CNTN4: variants seen among roughly 807,000 people sequenced by gnomAD.
CNTN4 encodes contactin 4, also known as contactin-4.
CNTN4 carries 77 observed loss-of-function variants against 122.5 expected under a neutral mutation model. The ratio of observed to expected loss-of-function variants is 0.63; its 90% confidence interval spans 0.52 to 0.76. The LOEUF is 0.76. Ranked by LOEUF, CNTN4 falls within the 30% of genes least tolerant of loss-of-function variation. The pLI is 0.00. For missense variants in CNTN4, 1,256 were observed against 1,259.1 expected (o/e 1.00, Z 0.04); for synonymous variants, 512 against 447.0 (o/e 1.15, Z -1.83).
chr3:2,985,540 A>G (rs930639651), intron 13 of CNTN4: 2 of 152,396 alleles, frequency 1.3e-5, no homozygotes, highest in African/African-American at 4.8e-5. Flanking sequence ...AACAACAGCA[A>G]TGGTTAGGCC....
At chr3:2,888,123 A>G (rs2093999135) in intron 10 of CNTN4, among the ~76,000 whole-genome samples, 1 of 152,202 alleles carries the variant, frequency 6.6e-6, no homozygotes, top group South Asian at 2.1e-4. Flanking sequence ...ACAAAAGTCT[A>G]TTTATTTCAC....
Position 2,629,002 on chromosome 3 carries a change from A to C in CNTN4, c.55+57444A>C, listed in dbSNP as rs1479049535. On this transcript the variant is annotated intron_variant, in intron 4 of 24. Coordinates refer to ENST00000418658, the MANE Select transcript of CNTN4 (RefSeq NM_175607.3). ...TACAGTGGACCTTCAGAATAATTTA[A>C]TTTGGTCAATTGTCCATAGCTGTAG... Among the ~76,000 whole-genome samples the C allele has an allele frequency of 3.3e-5, 5 of 152,180 alleles. No homozygotes were observed. The East Asian group carries it at 9.6e-4, about 29-fold the overall frequency.
intron 2 of CNTN4, among the ~76,000 whole-genome samples, chr3:2,191,330 A>G (rs925847971): frequency 6.6e-5 from 10 of 151,842 alleles, no homozygotes; most frequent in African/African-American, 1.7e-4. Context: ...AAAATAATCT[A>G]TTTTCACAAG....
At chr3:2,279,711 T>C (rs945509614) in intron 2 of CNTN4, among the ~76,000 whole-genome samples, 1 of 152,008 alleles carries the variant, frequency 6.6e-6, no homozygotes, top group African/African-American at 2.4e-5. Flanking sequence ...AGCAAGACTT[T>C]TGTTAAAATA....
chr3:2,303,509 T>TTA (rs2042598580), intron 2 of CNTN4, among the ~76,000 whole-genome samples: 1 of 152,206 alleles, frequency 6.6e-6, no homozygotes, highest in Non-Finnish European at 1.5e-5. Context: ...GTTCACCAGG[T>TTA]TATAGCATGT....
chr3:3,002,149 T>C (rs1478188978), intron 14 of CNTN4, among the ~76,000 whole-genome samples: 1 of 151,574 alleles, frequency 6.6e-6, no homozygotes, highest in African/African-American at 2.4e-5. Flanking sequence ...ACAGTGGCCA[T>C]GAAACAACCA....
rs943366288 is a variant in CNTN4 at position 2,220,684 on chromosome 3, A to G, written c.-144-118494A>G. 5.3e-5 allele frequency among the ~76,000 whole-genome samples: 8 copies of G among 152,084 alleles called. No individual in the cohort carries two copies. In the South Asian group the frequency reaches 8.3e-4, roughly 16 times the overall value. Reference sequence around the variant, plus strand: ...AAAAAGGAAATAATGATATCTCCTCATTGTTGTGATAATTACATAGATAAT... The same window carrying G: ...AAAAAGGAAATAATGATATCTCCTCGTTGTTGTGATAATTACATAGATAAT... On this transcript the variant is annotated intron_variant, in intron 2 of 24. Transcript: ENST00000418658.
At chr3:2,924,983 C>T (rs1472475) in intron 12 of CNTN4, among the ~76,000 whole-genome samples, 108,145 of 152,022 alleles carry the variant, frequency 0.71, 38,710 homozygotes, top group Middle Eastern at 0.79. Context: ...TGTTTCTTTC[C>T]CTTTCAATTT....
At chr3:3,038,851 G>A in intron 18 of CNTN4, 82 bp from the exon 19 acceptor site, 1 of 1,127,764 alleles carries the variant, frequency 8.9e-7, no homozygotes, top group Non-Finnish European at 1.4e-6. Flanking sequence ...CACTGAAAGT[G>A]AGTCACCTCT....
At chr3:2,882,056 T>G (rs1396384586) in intron 8 of CNTN4, among the ~76,000 whole-genome samples, 1 of 152,128 alleles carries the variant, frequency 6.6e-6, no homozygotes, top group African/African-American at 2.4e-5. Flanking sequence ...GAGTCAAGCA[T>G]GTATTGATAA....
intron 2 of CNTN4, among the ~76,000 whole-genome samples, chr3:2,243,720 G>T (rs1364957922): frequency 2.0e-5 from 3 of 151,942 alleles, no homozygotes; most frequent in Admixed American, 6.6e-5. Flanking sequence ...CAATGATAAG[G>T]GCAAAATGAA....
chr3:2,775,657 G>T (rs2091287165), intron 6 of CNTN4, among the ~76,000 whole-genome samples: 1 of 152,152 alleles, frequency 6.6e-6, no homozygotes, highest in South Asian at 2.1e-4. Flanking sequence ...CTGGCCTCAA[G>T]TGATCTGCCT....
In CNTN4 at chr3:2,854,515, C is replaced by T. The variant is rs540507586; in HGVS notation, c.455-12237C>T. Among the ~76,000 whole-genome samples, 6 of 152,004 alleles carry T rather than the reference C, an allele frequency of 3.9e-5. No homozygotes were observed. The East Asian group carries it at 7.7e-4, about 20-fold the overall frequency. On this transcript the variant is annotated intron_variant, in intron 7 of 24. Transcript: ENST00000418658. Reference sequence around the variant, plus strand: ...CTCGATCTCCTGACCTCAAGTGATCCGCCTGCCTCTGCCTCCCAAAGTGCT... The same window carrying T: ...CTCGATCTCCTGACCTCAAGTGATCTGCCTGCCTCTGCCTCCCAAAGTGCT...
chr3:2,994,453 G>T (rs1695336946), intron 14 of CNTN4, among the ~76,000 whole-genome samples: 1 of 151,836 alleles, frequency 6.6e-6, no homozygotes, highest in Admixed American at 6.6e-5. Flanking sequence ...AAATTATTTT[G>T]TATTTTCATT....
intron 4 of CNTN4, among the ~76,000 whole-genome samples, chr3:2,678,096 CT>C (rs1271935722): frequency 6.6e-6 from 1 of 152,100 alleles, no homozygotes; most frequent in African/African-American, 2.4e-5. Flanking sequence ...GGTACATTTT[CT>C]TCTTAGTAGT....
chr3:2,684,134 T>C (rs773433568), intron 4 of CNTN4, among the ~76,000 whole-genome samples: 2 of 152,172 alleles, frequency 1.3e-5, no homozygotes, highest in East Asian at 1.9e-4. Flanking sequence ...CCAGTGTATA[T>C]ATAGGAGTCT....
At chr3:2,507,907 T>C (rs67733815) in intron 3 of CNTN4, among the ~76,000 whole-genome samples, 17,418 of 151,900 alleles carry the variant, frequency 0.11, 1,298 homozygotes, top group Middle Eastern at 0.17. Flanking sequence ...CCCCTCAAAT[T>C]TTTTGCTAAT....
intron 2 of CNTN4, among the ~76,000 whole-genome samples, chr3:2,217,602 T>G (rs2038898620): frequency 6.6e-6 from 1 of 152,162 alleles, no homozygotes. Flanking sequence ...CACATTCTGG[T>G]GGCCAAGCTG....
intron 10 of CNTN4, among the ~76,000 whole-genome samples, chr3:2,894,822 T>G (rs1042885067): frequency 1.3e-5 from 2 of 152,188 alleles, no homozygotes; most frequent in Admixed American, 1.3e-4. Context: ...AATCCACATA[T>G]TGCTGATTTA....
Sources: gnomAD v4.1 joint callset for allele counts (sites outside exome capture counted in the v4.1 genomes callset) on GRCh38, gnomAD v4.1.1 for gene constraint, MANE v1.5 for transcripts, NCBI Gene and HGNC (gene_info 2026-07-23, HGNC 2026-07-21) for gene names.